The following OR1I1 variants were observed in gnomAD, a reference collection of about 807,000 sequenced individuals.
OR1I1 encodes olfactory receptor family 1 subfamily I member 1, also known as olfactory receptor 1I1.
For synonymous variants in OR1I1, 171 were observed against 181.4 expected (o/e 0.94, Z 0.46); for missense variants, 451 against 443.6 (o/e 1.02, Z -0.15).
intron 1 of OR1I1, 183 bp from the exon 2 acceptor site, chr19:15,086,870 A>T (rs983642177): frequency 1.2e-6 from 1 of 869,086 alleles, no homozygotes; most frequent in African/African-American, 1.7e-5. Context: ...GGCATGAATG[A>T]CTTGGCTTGA....
In OR1I1 at chr19:15,087,903, G is replaced by T. The variant is rs763683550; in HGVS notation, c.838G>T (p.Val280Leu). The T allele has an allele frequency of 1.2e-6, 2 of 1,614,150 alleles. No individual in the cohort carries two copies. Among genetic ancestry groups the T allele is most frequent in the Non-Finnish European group, 8.5e-7 (1 of 1,179,992 alleles). The change falls in exon 2 of 2, where the codon GTG becomes TTG. Residue 280 changes from valine to leucine, a missense_variant. Physicochemically the swap from Val to Leu is conservative, Grantham distance 32. Transcript: ENST00000641398. The part of the protein sequence containing the change: ...KDKAAALMCG[V>L]FIPMLNPFIY... ...CAAGGCAGCCGCCCTAATGTGTGGG[G>T]TGTTCATCCCCATGCTCAACCCCTT...
chr19:15,085,176 A>ATGTTTT (rs1555717400), intron 1 of OR1I1, among the ~76,000 whole-genome samples: 1,579 of 80,070 alleles, frequency 0.02, 180 homozygotes, highest in South Asian at 0.031. Flanking sequence ...ATATATATAT[A>ATGTTTT]TTTTTTTTTT....
At chr19:15,082,646 G>C (rs1263789435) in intron 1 of OR1I1, among the ~76,000 whole-genome samples, 1 of 152,004 alleles carries the variant, frequency 6.6e-6, no homozygotes, top group Non-Finnish European at 1.5e-5. Context: ...CAATGCAGCA[G>C]CTCCCCAAGT....
intron 1 of OR1I1, among the ~76,000 whole-genome samples, chr19:15,082,838 C>A (rs558104825): frequency 5.0e-4 from 76 of 152,100 alleles, no homozygotes; most frequent in African/African-American, 1.8e-3. Flanking sequence ...GAGACAGGGT[C>A]TCGCTCTGTT....
At chr19:15,082,986 C>T (rs988419919) in intron 1 of OR1I1, among the ~76,000 whole-genome samples, 4 of 151,044 alleles carry the variant, frequency 2.6e-5, no homozygotes, top group South Asian at 2.1e-4. Flanking sequence ...ATTTTATTTT[C>T]GTAGAGGCAG....
rs983519220 is a variant in OR1I1, at chr19:15,092,520, C to T, written c.*4387C>T. The T allele has an allele frequency of 1.3e-5, 2 of 152,156 alleles. No individual in the cohort carries two copies. The highest frequency in any genetic ancestry group is 6.6e-5 in the Admixed American group (1 of 15,262). 9.4% of individuals were successfully genotyped at this position (152,156 alleles called of 1,614,324 possible). ...TCAGCTTTAGGGACCTTACCATCTC[C>T]GTTGCAATGACTGAACTCTGCTGCT... On this transcript the variant is annotated 3_prime_UTR_variant, in exon 2 of 2. Transcript: ENST00000641398.
At chr19:15,082,934 C>T (rs376568812) in intron 1 of OR1I1, among the ~76,000 whole-genome samples, 3 of 151,996 alleles carry the variant, frequency 2.0e-5, no homozygotes, top group Admixed American at 6.6e-5. Flanking sequence ...CTCAGCCTCC[C>T]GGGTACCTGG....
rs762363893 is a variant in OR1I1, at chr19:15,089,927, C to T, written c.*1794C>T. On this transcript the variant is annotated 3_prime_UTR_variant, in exon 2 of 2. Transcript: ENST00000641398. The stretch of plus-strand genomic sequence containing the variant: ...ACCATATTTGAAGATAGGGTGTTTA[C>T]AGAGGTCATTAGATTACAGTAAGGT... The T allele has an allele frequency of 3.3e-5, 5 of 152,128 alleles. No homozygotes were observed. Among genetic ancestry groups the T allele is most frequent in the African/African-American group, 7.2e-5 (3 of 41,428 alleles). The allele number at this position is 152,128 out of a possible 1,614,324, so 9.4% of individuals were successfully genotyped here. A position where few individuals can be genotyped will look rare whatever the true frequency, so the allele number is the denominator to read the frequency against.
At chr19:15,086,722 C>T (rs931183656) in intron 1 of OR1I1, among the ~76,000 whole-genome samples, 3 of 152,066 alleles carry the variant, frequency 2.0e-5, no homozygotes, top group African/African-American at 7.2e-5. Context: ...TTCCAAAGTG[C>T]TGGGATTACA....
rs376212057 is a variant in OR1I1, at chr19:15,087,560, A to T, written c.495A>T (p.Gln165His). 3 of 1,613,914 alleles carry T rather than the reference A, an allele frequency of 1.9e-6. No homozygotes were observed. In the African/African-American group the frequency reaches 4.0e-5, roughly 22 times the overall value. ...TCATACACACCTGCCTCATGGCTCA[A>T]CTGACCTTCTGCGCCGGCTCTGAAA... ...QSLIHTCLMA[Q>H]LTFCAGSEIS... Residue 165 changes from glutamine to histidine, a missense_variant, in exon 2 of 2, where the codon CAA becomes CAT. Transcript: ENST00000641398.
rs1256215690 is a variant in OR1I1, at chr19:15,091,769, G to C, written c.*3636G>C. ...GGCGTCAACCCGGGAGGCGGAGTTTGCGTGAGCCGAGATCGCCCCACTGCA... is the reference window on the plus strand; with the variant it reads ...GGCGTCAACCCGGGAGGCGGAGTTTCCGTGAGCCGAGATCGCCCCACTGCA... On this transcript the variant is annotated 3_prime_UTR_variant, in exon 2 of 2. Transcript: ENST00000641398. 3 of 141,446 alleles carry C rather than the reference G, an allele frequency of 2.1e-5. No individual in the cohort carries two copies. The highest frequency in any genetic ancestry group is 4.5e-5 in the Non-Finnish European group (3 of 66,292). The allele number at this position is 141,446 out of a possible 1,614,324, so 8.8% of individuals were successfully genotyped here. A position where few individuals can be genotyped will look rare whatever the true frequency, so the allele number is the denominator to read the frequency against.
rs1568321809 is a variant in OR1I1 at position 15,085,147 on chromosome 19, TATATATATATATATATATATA to T, written c.-13-1905_-13-1885del. Reference sequence around the variant, plus strand: ...TTTTTGACTTATATATATATATATATATATATATATATATATATATATATATATATTTTTTTTTTTGAGACA... The same window carrying T: ...TTTTTGACTTATATATATATATATATTATATATATTTTTTTTTTTGAGACA... On this transcript the variant is annotated intron_variant, in intron 1 of 1. Coordinates refer to ENST00000641398, the MANE Select transcript of OR1I1 (RefSeq NM_001004713.2). Among the ~76,000 whole-genome samples, 13 of 33,902 alleles carry T rather than the reference TATATATATATATATATATATA, an allele frequency of 3.8e-4. 1 individual carries two copies. Among genetic ancestry groups the T allele is most frequent in the African/African-American group, 1.4e-3 (12 of 8,752 alleles). The allele number at this position is 33,902 out of a possible 152,430, so 22.2% of individuals were successfully genotyped here. A position where few individuals can be genotyped will look rare whatever the true frequency, so the allele number is the denominator to read the frequency against.
intron 1 of OR1I1, among the ~76,000 whole-genome samples, chr19:15,085,582 A>G (rs1031348151): frequency 6.6e-6 from 1 of 151,974 alleles, no homozygotes; most frequent in Non-Finnish European, 1.5e-5. Flanking sequence ...TCTGGTATAC[A>G]ATGCATTGTT....
intron 1 of OR1I1, among the ~76,000 whole-genome samples, chr19:15,085,600 A>G (rs2046227482): frequency 6.6e-6 from 1 of 152,058 alleles, no homozygotes; most frequent in African/African-American, 2.4e-5. Flanking sequence ...GTTATTAACT[A>G]TAGTCACTAT....
In OR1I1 at chr19:15,087,959, G is replaced by A. The variant is rs747438823; in HGVS notation, c.894G>A (p.Lys298=). The A allele has an allele frequency of 4.3e-6, 7 of 1,614,176 alleles. No individual in the cohort carries two copies. Among genetic ancestry groups the A allele is most frequent in the Non-Finnish European group, 5.9e-6 (7 of 1,180,028 alleles). ...FIYSIRNKDM[K]AALGKLIGKV... is the part of the protein sequence containing the mutation. ...ACAGCATACGGAACAAGGATATGAA[G>A]GCAGCCCTGGGGAAGCTCATCGGCA... Residue 298 remains lysine (K), a synonymous_variant, in exon 2 of 2, where the codon AAG becomes AAA. Coordinates refer to ENST00000641398, the MANE Select transcript of OR1I1 (RefSeq NM_001004713.2).
chr19:15,083,623 G>A (rs1015756761), intron 1 of OR1I1, among the ~76,000 whole-genome samples: 2 of 152,186 alleles, frequency 1.3e-5, no homozygotes, highest in Admixed American at 6.5e-5. Flanking sequence ...CTTTGCTGAA[G>A]GCCTCTTGGG....
chr19:15,085,885 T>C (rs1271180916), intron 1 of OR1I1, among the ~76,000 whole-genome samples: 1 of 152,232 alleles, frequency 6.6e-6, no homozygotes, highest in African/African-American at 2.4e-5. Context: ...CATGGCTGAA[T>C]AAATAGTATT....
At chr19:15,083,480 A>T (rs928361863) in intron 1 of OR1I1, among the ~76,000 whole-genome samples, 1 of 152,230 alleles carries the variant, frequency 6.6e-6, no homozygotes, top group African/African-American at 2.4e-5. Flanking sequence ...ACCCAAGTCA[A>T]CAACTGAGGA....
intron 1 of OR1I1, among the ~76,000 whole-genome samples, chr19:15,085,638 C>T (rs1014247651): frequency 6.6e-6 from 1 of 151,900 alleles, no homozygotes; most frequent in African/African-American, 2.4e-5. Context: ...TTGAATTATG[C>T]CTCCCATCTA....
Sources: gnomAD v4.1 joint callset for allele counts (sites outside exome capture counted in the v4.1 genomes callset) on GRCh38, gnomAD v4.1.1 for gene constraint, MANE v1.5 for transcripts, NCBI Gene and HGNC (gene_info 2026-07-23, HGNC 2026-07-21) for gene names.